Variants in MAP3K20 observed in about 807,000 individuals in gnomAD.
MAP3K20 encodes the protein HCCS-4.
In MAP3K20, 40 loss-of-function variants were observed where a neutral mutation model predicts 85.7. The observed-to-expected ratio is 0.47, with a 90% CI of 0.36 to 0.61. The LOEUF is 0.61. Among genes scored for constraint, MAP3K20 ranks in the 20% least tolerant of loss-of-function variants. MAP3K20 has a pLI of 0.00. For missense variants in MAP3K20, 817 were observed against 961.7 expected, an observed-to-expected ratio of 0.85 and a Z score of 1.99; for synonymous variants, 325 against 327.7, an observed-to-expected ratio of 0.99 and a Z score of 0.09.
chr2:173,159,362 C>CTTTCTTTCTTTCG (rs1689577096), intron 2 of MAP3K20, among the ~76,000 whole-genome samples: 1 of 148,740 alleles, frequency 6.7e-6, no homozygotes, highest in Non-Finnish European at 1.5e-5. Context: ...TCTTTCTTTC[C>CTTTCTTTCTTTCG]TTTCCTTCCT....
chr2:173,229,591 C>T, intron 11 of MAP3K20, 98 bp from the exon 12 acceptor site: 1 of 1,522,574 alleles, frequency 6.6e-7, no homozygotes, highest in South Asian at 1.2e-5. Flanking sequence ...CAAGCCAGAG[C>T]AGCAGCTGAG....
chr2:173,086,399 A>G (rs1404108813), intron 1 of MAP3K20, among the ~76,000 whole-genome samples: 1 of 152,224 alleles, frequency 6.6e-6, no homozygotes, highest in Non-Finnish European at 1.5e-5. Flanking sequence ...TTTCATGTAT[A>G]TGGGAGTGGA....
intron 2 of MAP3K20, among the ~76,000 whole-genome samples, chr2:173,154,741 T>C (rs1345762122): frequency 2.0e-5 from 3 of 152,200 alleles, no homozygotes; most frequent in Admixed American, 1.3e-4. Context: ...ATGTAGATAC[T>C]AAGGACAATA....
chr2:173,137,238 A>G (rs1263499494), intron 2 of MAP3K20, among the ~76,000 whole-genome samples: 1 of 152,204 alleles, frequency 6.6e-6, no homozygotes, highest in African/African-American at 2.4e-5. Flanking sequence ...TATATATGCA[A>G]AATTCCCCAT....
At chr2:173,219,065 G>C (rs926883240) in intron 11 of MAP3K20, among the ~76,000 whole-genome samples, 10 of 152,226 alleles carry the variant, frequency 6.6e-5, no homozygotes, top group African/African-American at 2.2e-4. Flanking sequence ...CTTCTGCTTA[G>C]AGCTGGTATT....
intron 16 of MAP3K20, among the ~76,000 whole-genome samples, chr2:173,258,023 T>C (rs1685199346): frequency 6.6e-6 from 1 of 152,224 alleles, no homozygotes; most frequent in African/African-American, 2.4e-5. Flanking sequence ...TCATGAAATA[T>C]TAAAGGACCT....
intron 16 of MAP3K20, among the ~76,000 whole-genome samples, chr2:173,251,984 TAGAG>T (rs923676584): frequency 4.6e-5 from 7 of 151,252 alleles, no homozygotes; most frequent in South Asian, 2.1e-4. Flanking sequence ...TAGGGAAAAA[TAGAG>T]AGAGAGAGAG....
In MAP3K20 at chr2:173,130,958, A is replaced by G. The variant is rs569923098; in HGVS notation, c.160-38847A>G. Among the ~76,000 whole-genome samples, 8 of 152,342 alleles carry G rather than the reference A, an allele frequency of 5.3e-5. No individual in the cohort carries two copies. In the East Asian group the frequency reaches 7.7e-4, roughly 15 times the overall value. On this transcript the variant is annotated intron_variant, in intron 2 of 19. Transcript: ENST00000375213. ...TAAAACAAATAAGATGCTTCTAAGA[A>G]CAGATTGTGACTTGTCTATCAGCCC...
chr2:173,235,698 A>G (rs113108418), intron 14 of MAP3K20, among the ~76,000 whole-genome samples: 3 of 152,304 alleles, frequency 2.0e-5, no homozygotes, highest in African/African-American at 4.8e-5. Flanking sequence ...ATGCCATTCA[A>G]TTGCCCACTT....
intron 11 of MAP3K20, chr2:173,222,345 A>G: frequency 1.0e-6 from 1 of 985,922 alleles, no homozygotes; most frequent in Non-Finnish European, 1.2e-6. Flanking sequence ...AGCTGCTCAA[A>G]GTAAAGCCTG....
At chr2:173,153,795 T>C (rs1320559246) in intron 2 of MAP3K20, among the ~76,000 whole-genome samples, 1 of 152,244 alleles carries the variant, frequency 6.6e-6, no homozygotes, top group African/African-American at 2.4e-5. Context: ...TATCCTCCTG[T>C]ATAAATCATC....
chr2:173,095,480 A>G (rs115791482), intron 2 of MAP3K20, among the ~76,000 whole-genome samples: 2,372 of 152,334 alleles, frequency 0.016, 59 homozygotes, highest in African/African-American at 0.054. Flanking sequence ...AAAGCATTTT[A>G]TTTGAAATGT....
rs12478105 is a variant in MAP3K20 at position 173,242,180 on chromosome 2, T to C, written c.1359+2684T>C. Among the ~76,000 whole-genome samples the C allele has an allele frequency of 1.9e-4, 26 of 135,014 alleles. No homozygotes were observed. In the East Asian group the frequency reaches 2.5e-3, roughly 13 times the overall value. 88.6% of individuals were successfully genotyped at this position (135,014 alleles called of 152,430 possible). A position where few individuals can be genotyped will look rare whatever the true frequency, so the allele number is the denominator to read the frequency against. On this transcript the variant is annotated intron_variant, in intron 16 of 19. Transcript: ENST00000375213. ...AGATCTCAACCAAGAAAAAAAAATT[T>C]TTTTTTTTTTTTGAGACGGAGTTTT...
At chr2:173,164,810 T>C (rs781651493) in intron 2 of MAP3K20, among the ~76,000 whole-genome samples, 1 of 152,228 alleles carries the variant, frequency 6.6e-6, no homozygotes, top group Non-Finnish European at 1.5e-5. Context: ...TTGGAACCTG[T>C]GTGTTAGTCG....
At chr2:173,203,746 A>G (rs1559276868) in intron 8 of MAP3K20, 50 bp from the exon 9 acceptor site, 1 of 1,391,246 alleles carries the variant, frequency 7.2e-7, no homozygotes, top group African/African-American at 1.4e-5. Flanking sequence ...GCTGACATTA[A>G]TGAATAAATC....
At position 173,243,725 on chromosome 2, in the gene MAP3K20, T is replaced by C. The variant is rs577962127; in HGVS notation, c.1359+4229T>C. Among the ~76,000 whole-genome samples the C allele has an allele frequency of 1.6e-4, 25 of 152,250 alleles. 1 individual carries two copies. The highest frequency in any genetic ancestry group is 2.8e-4 in the Non-Finnish European group (19 of 68,014). ...CTCCGCCTCCCGGGTTCACGCCATT[T>C]TCCTGCCTCAGCCTCCCGAATAGCT... On this transcript the variant is annotated intron_variant, in intron 16 of 19. Transcript: ENST00000375213.
intron 2 of MAP3K20, among the ~76,000 whole-genome samples, chr2:173,156,677 A>T (rs527917512): frequency 6.6e-6 from 1 of 152,274 alleles, no homozygotes; most frequent in East Asian, 1.9e-4. Context: ...CAGGAGGCGG[A>T]GCTCAGGCGG....
chr2:173,081,914 C>G (rs1303768854), intron 1 of MAP3K20, among the ~76,000 whole-genome samples: 2 of 151,976 alleles, frequency 1.3e-5, no homozygotes, highest in Non-Finnish European at 2.9e-5. Flanking sequence ...GAGTCTCCCA[C>G]TCCCACTCTA....
chr2:173,139,414 A>C (rs1286788890), intron 2 of MAP3K20, among the ~76,000 whole-genome samples: 1 of 152,204 alleles, frequency 6.6e-6, no homozygotes, highest in Non-Finnish European at 1.5e-5. Flanking sequence ...TGACTATTAG[A>C]AAGTTCTTCT....
Sources: gnomAD v4.1 joint callset for allele counts (sites outside exome capture counted in the v4.1 genomes callset) on GRCh38, gnomAD v4.1.1 for gene constraint, MANE v1.5 for transcripts, NCBI Gene and HGNC (gene_info 2026-07-23, HGNC 2026-07-21) for gene names.